Variants in MRPL42 observed in about 807,000 individuals in gnomAD.
MRPL42 encodes large ribosomal subunit protein mL42.
MRPL42 carries 17 observed loss-of-function variants against 17.9 expected under a neutral mutation model. That is an observed-to-expected ratio of 0.95 (90% CI 0.65 to 1.42). MRPL42 has a LOEUF of 1.42. Among genes scored for constraint, MRPL42 ranks in the 40% most tolerant of loss-of-function variants. The probability of loss-of-function intolerance (pLI) is 0.00; values close to 1 mark genes in which losing one functional copy is unlikely to be tolerated. For missense variants in MRPL42, 177 were observed against 175.2 expected (o/e 1.01, Z -0.06); for synonymous variants, 59 against 54.4 (o/e 1.08, Z -0.37).
intron 5 of MRPL42, chr12:93,488,040 G>C (rs992558886): frequency 7.4e-6 from 2 of 271,814 alleles, no homozygotes; most frequent in Non-Finnish European, 1.4e-5. Flanking sequence ...GCGAGATCTC[G>C]TTTCACTGCA....
rs7301435 is a variant in MRPL42 at position 93,515,649 on chromosome 12, A to G, written c.*14428A>G. ...CTCCCAAAGGGCTGGGATTACAGACATCAGCCACTGCACCTGGGTTGGCAA... is the reference window on the plus strand; with the variant it reads ...CTCCCAAAGGGCTGGGATTACAGACGTCAGCCACTGCACCTGGGTTGGCAA... On this transcript the variant is annotated 3_prime_UTR_variant, in exon 6 of 6. Transcript: ENST00000549982. 45,602 of 152,162 alleles carry G rather than the reference A, an allele frequency of 0.3. 7,709 individuals carry two copies. Among genetic ancestry groups the G allele is most frequent in the Non-Finnish European group, 0.39 (26,496 of 68,018 alleles). 9.4% of individuals were successfully genotyped at this position (152,162 alleles called of 1,614,324 possible). A position where few individuals can be genotyped will look rare whatever the true frequency, so the allele number is the denominator to read the frequency against.
chr12:93,467,741 C>T lies in MRPL42; in HGVS notation c.-95+187C>T, dbSNP rs144799422. ...GGCTGCGCGTTTCTTATAGCGCCCC[C>T]TTTGTTCCCTGGCGGACGCCCGTGG... On this transcript the variant is annotated intron_variant, in intron 1 of 5. Transcript: ENST00000549982. 9.5e-3 allele frequency among the ~76,000 whole-genome samples: 1,453 copies of T among 152,348 alleles called. 8 individuals are homozygous for T. Among genetic ancestry groups the T allele is most frequent in the Non-Finnish European group, 0.017 (1,135 of 68,036 alleles).
At position 93,514,265 on chromosome 12, in the gene MRPL42, T is replaced by G. The variant is rs1333220560; in HGVS notation, c.*13044T>G. On this transcript the variant is annotated 3_prime_UTR_variant, in exon 6 of 6. Transcript: ENST00000549982. ...CTAACTCCAATAATGATTGGACAGT[T>G]TTCTCCCTCTGCTTTTTCTTTCTTT... is the stretch of plus-strand genomic sequence containing the variant. 1 of 151,548 alleles carries G rather than the reference T, an allele frequency of 6.6e-6. No individual in the cohort carries two copies. Among genetic ancestry groups the G allele is most frequent in the Admixed American group, 6.6e-5 (1 of 15,132 alleles). 9.4% of individuals were successfully genotyped at this position (151,548 alleles called of 1,614,324 possible). A position where few individuals can be genotyped will look rare whatever the true frequency, so the allele number is the denominator to read the frequency against.
At chr12:93,469,632 T>TAA (rs59929768) in intron 2 of MRPL42, among the ~76,000 whole-genome samples, 6 of 150,452 alleles carry the variant, frequency 4.0e-5, no homozygotes, top group Admixed American at 6.6e-5. Context: ...CCCCCACCTC[T>TAA]AAAAAAAAAT....
intron 3 of MRPL42, 35 bp from the exon 4 acceptor site, chr12:93,479,353 G>C (rs1426230921): frequency 6.8e-7 from 1 of 1,462,220 alleles, no homozygotes; most frequent in Non-Finnish European, 9.3e-7. Context: ...CTTGAATACA[G>C]TATAACTTTA....
Position 93,487,529 on chromosome 12 carries a change from T to C in MRPL42, c.252T>C (p.Asn84=), listed in dbSNP as rs752940669. ...CTCGGCCAGATCCTGTGCATAATAA[T>C]GAAGAAACACATGATCAAGTGCTGA... ...PIPRPDPVHN[N]EETHDQVLKT... Residue 84 remains asparagine (N), a synonymous_variant, in exon 5 of 6, where the codon AAT becomes AAC. Coordinates refer to ENST00000549982, the MANE Select transcript of MRPL42 (RefSeq NM_014050.4). 6.2e-7 allele frequency: 1 copy of C among 1,613,882 alleles called. No homozygotes were observed. Among genetic ancestry groups the C allele is most frequent in the South Asian group, 1.1e-5 (1 of 91,070 alleles).
intron 5 of MRPL42, among the ~76,000 whole-genome samples, chr12:93,490,529 C>G (rs936897508): frequency 6.6e-6 from 1 of 152,180 alleles, no homozygotes; most frequent in Non-Finnish European, 1.5e-5. Context: ...TATGTGTCAT[C>G]ACTTATCATT....
At position 93,501,413 on chromosome 12, in the gene MRPL42, T is replaced by C. The variant is rs529391049; in HGVS notation, c.*192T>C. On this transcript the variant is annotated 3_prime_UTR_variant, in exon 6 of 6. Transcript: ENST00000549982. The stretch of plus-strand genomic sequence containing the variant: ...ATTTAGAGAAACCTATTTTCTTTTT[T>C]CTTTTTCTATTTTAGTGTTTCATTT... 5 of 394,626 alleles carry C rather than the reference T, an allele frequency of 1.3e-5. No individual in the cohort carries two copies. Among genetic ancestry groups the C allele is most frequent in the African/African-American group, 2.1e-5 (1 of 48,086 alleles). 24.4% of individuals were successfully genotyped at this position (394,626 alleles called of 1,614,324 possible).
intron 3 of MRPL42, 75 bp from the exon 4 acceptor site, chr12:93,479,313 C>CAA (rs34328828): frequency 0.075 from 54,260 of 724,552 alleles, 10 homozygotes; most frequent in Middle Eastern, 0.082. Context: ...GAGTCCATCT[C>CAA]AAAAAAAAAA....
At chr12:93,471,747 A>T (rs1164885729) in intron 2 of MRPL42, among the ~76,000 whole-genome samples, 2 of 152,222 alleles carry the variant, frequency 1.3e-5, no homozygotes, top group Non-Finnish European at 2.9e-5. Context: ...AGAACAGGAC[A>T]TTGCTTAAGA....
chr12:93,481,772 A>G (rs538445350), intron 4 of MRPL42, among the ~76,000 whole-genome samples: 17 of 152,244 alleles, frequency 1.1e-4, no homozygotes, highest in Non-Finnish European at 2.2e-4. Flanking sequence ...AAGAAATCCA[A>G]TAGTTAACTA....
intron 3 of MRPL42, among the ~76,000 whole-genome samples, 194 bp downstream of exon 3, chr12:93,477,211 C>T (rs1447609986): frequency 6.6e-6 from 1 of 152,136 alleles, no homozygotes; most frequent in East Asian, 1.9e-4. Context: ...AAATCATTGT[C>T]ATTGTGTTTC....
At chr12:93,482,212 ACT>A (rs1237578192) in intron 4 of MRPL42, among the ~76,000 whole-genome samples, 1 of 151,312 alleles carries the variant, frequency 6.6e-6, no homozygotes, top group Non-Finnish European at 1.5e-5. Flanking sequence ...TTCATAGTTT[ACT>A]CTCTTTCCTT....
chr12:93,481,271 A>G (rs1466040100), intron 4 of MRPL42, among the ~76,000 whole-genome samples: 3 of 152,152 alleles, frequency 2.0e-5, no homozygotes, highest in Non-Finnish European at 4.4e-5. Flanking sequence ...TTTTGACTCT[A>G]ATAGAAACCT....
In MRPL42 at chr12:93,504,975, T is replaced by G. The variant is rs1331641838; in HGVS notation, c.*3754T>G. ...TCTGAATATGGTTTTATAAAATACA[T>G]TGCTCTAGTGCACAGGATTTTAAGC... On this transcript the variant is annotated 3_prime_UTR_variant, in exon 6 of 6. Coordinates refer to ENST00000549982, the MANE Select transcript of MRPL42 (RefSeq NM_014050.4). 1 of 152,224 alleles carries G rather than the reference T, an allele frequency of 6.6e-6. No individual in the cohort carries two copies. Among genetic ancestry groups the G allele is most frequent in the Admixed American group, 6.5e-5 (1 of 15,274 alleles). The allele number at this position is 152,224 out of a possible 1,614,324, so 9.4% of individuals were successfully genotyped here.
chr12:93,468,303 C>T (rs1879739371), intron 1 of MRPL42, among the ~76,000 whole-genome samples: 1 of 110,200 alleles, frequency 9.1e-6, no homozygotes. Context: ...TCTTTTATCA[C>T]TATTGGGGGG....
chr12:93,503,020 C>CTCCCCCG lies in MRPL42; in HGVS notation c.*1806_*1812dup, dbSNP rs1351306232. 2 of 152,228 alleles carry CTCCCCCG rather than the reference C, an allele frequency of 1.3e-5. No homozygotes were observed. Among genetic ancestry groups the CTCCCCCG allele is most frequent in the African/African-American group, 4.8e-5 (2 of 41,452 alleles). The allele number at this position is 152,228 out of a possible 1,614,324, so 9.4% of individuals were successfully genotyped here. On this transcript the variant is annotated 3_prime_UTR_variant, in exon 6 of 6. Coordinates refer to ENST00000549982, the MANE Select transcript of MRPL42 (RefSeq NM_014050.4). Reference sequence around the variant, plus strand: ...CACCAGCATCACCTGCCCTCTGTTCCTCCCCCGTCCCCCAGGGATAAGAAC... The same window carrying CTCCCCCG: ...CACCAGCATCACCTGCCCTCTGTTCCTCCCCCGTCCCCCGTCCCCCAGGGATAAGAAC...
chr12:93,471,464 T>C (rs548209015), intron 2 of MRPL42, among the ~76,000 whole-genome samples: 22 of 152,194 alleles, frequency 1.4e-4, no homozygotes, highest in African/African-American at 3.9e-4. Context: ...GCGCCTGGCC[T>C]AATTTTTGTA....
At chr12:93,474,922 C>T (rs569320390) in intron 2 of MRPL42, among the ~76,000 whole-genome samples, 17 of 152,152 alleles carry the variant, frequency 1.1e-4, no homozygotes, top group African/African-American at 4.1e-4. Context: ...ATAGTGAAAC[C>T]CTGTCTCTAC....
Sources: gnomAD v4.1 joint callset for allele counts (sites outside exome capture counted in the v4.1 genomes callset) on GRCh38, gnomAD v4.1.1 for gene constraint, MANE v1.5 for transcripts, NCBI Gene and HGNC (gene_info 2026-07-23, HGNC 2026-07-21) for gene names.